The following NTM variants were observed in gnomAD, a reference collection of about 807,000 sequenced individuals.
NTM encodes the protein neurotrimin.
In NTM, 13 loss-of-function variants were observed where a neutral mutation model predicts 42.1. The ratio of observed to expected loss-of-function variants is 0.31; its 90% CI spans 0.20 to 0.49. NTM has a LOEUF of 0.49. Ranked by LOEUF, NTM falls within the 20% of genes least tolerant of loss-of-function variation. The pLI, the probability that NTM is intolerant of heterozygous loss-of-function variation, is 0.99. For synonymous variants in NTM, 187 were observed against 179.2 expected (o/e 1.04, Z -0.35); for missense variants, 373 against 452.8 (o/e 0.82, Z 1.60).
At chr11:131,792,507 G>A (rs1272479599) in intron 1 of NTM, among the ~76,000 whole-genome samples, 2 of 152,130 alleles carry the variant, frequency 1.3e-5, no homozygotes, top group East Asian at 1.9e-4. Flanking sequence ...TTGGGTGTTC[G>A]AGTCCCACAA....
chr11:131,704,532 T>C (rs1156378870), intron 1 of NTM, among the ~76,000 whole-genome samples: 1 of 152,326 alleles, frequency 6.6e-6, no homozygotes, highest in East Asian at 1.9e-4. Flanking sequence ...AGATGCCTAA[T>C]TTTTAAAATG....
chr11:131,725,526 G>A (rs1358490290), intron 1 of NTM, among the ~76,000 whole-genome samples: 2 of 152,096 alleles, frequency 1.3e-5, no homozygotes, highest in Non-Finnish European at 2.9e-5. Flanking sequence ...CTCAGATAGA[G>A]GAAGCATCCC....
At chr11:131,647,173 G>C (rs190333973) in intron 1 of NTM, among the ~76,000 whole-genome samples, 3 of 152,316 alleles carry the variant, frequency 2.0e-5, no homozygotes, top group Non-Finnish European at 2.9e-5. Context: ...CAAGGGGATC[G>C]TGGAGAGGGG....
chr11:131,558,546 G>A (rs1347651884), intron 1 of NTM, among the ~76,000 whole-genome samples: 1 of 152,146 alleles, frequency 6.6e-6, no homozygotes, highest in Non-Finnish European at 1.5e-5. Flanking sequence ...CAAGTGGTTA[G>A]GATTTCCTAC....
intron 1 of NTM, among the ~76,000 whole-genome samples, chr11:131,664,753 G>GTTTTTTT (rs199824869): frequency 6.2e-5 from 7 of 112,884 alleles, no homozygotes; most frequent in African/African-American, 2.3e-4. Flanking sequence ...CTCTTCCATT[G>GTTTTTTT]TTTTTTTTTT....
chr11:131,939,684 C>T (rs2059595209), intron 2 of NTM, among the ~76,000 whole-genome samples: 1 of 152,182 alleles, frequency 6.6e-6, no homozygotes. Context: ...ACTCCTGATT[C>T]TTGCAAGCTG....
At chr11:131,954,210 A>G (rs990872601) in intron 2 of NTM, among the ~76,000 whole-genome samples, 1 of 152,190 alleles carries the variant, frequency 6.6e-6, no homozygotes, top group Non-Finnish European at 1.5e-5. Context: ...AGACACAGGC[A>G]TTGTAAGTAG....
intron 4 of NTM, among the ~76,000 whole-genome samples, chr11:132,261,691 G>T (rs1187844446): frequency 6.6e-6 from 1 of 152,218 alleles, no homozygotes; most frequent in African/African-American, 2.4e-5. Context: ...TCATTGTCTG[G>T]AGAATAGATA....
At chr11:132,233,935 C>T (rs1177520290) in intron 4 of NTM, among the ~76,000 whole-genome samples, 1 of 152,234 alleles carries the variant, frequency 6.6e-6, no homozygotes, top group Non-Finnish European at 1.5e-5. Context: ...CCCTGCCACC[C>T]TCCAGGGGTC....
At chr11:131,935,931 G>A (rs2059163912) in intron 2 of NTM, among the ~76,000 whole-genome samples, 1 of 152,006 alleles carries the variant, frequency 6.6e-6, no homozygotes, top group Non-Finnish European at 1.5e-5. Flanking sequence ...GCTTAAATCA[G>A]CATTAAAGTA....
chr11:131,589,219 G>A (rs2059153393), intron 1 of NTM, among the ~76,000 whole-genome samples: 1 of 150,024 alleles, frequency 6.7e-6, no homozygotes. Flanking sequence ...TGGTTGTAGT[G>A]GGAAGGCACG....
intron 3 of NTM, among the ~76,000 whole-genome samples, chr11:132,189,852 C>T (rs753345513): frequency 2.0e-5 from 3 of 152,192 alleles, no homozygotes; most frequent in Non-Finnish European, 2.9e-5. Context: ...GTTTGTGGTG[C>T]TCCTACTATT....
At chr11:132,229,530 A>T (rs749129316) in intron 4 of NTM, among the ~76,000 whole-genome samples, 1 of 152,176 alleles carries the variant, frequency 6.6e-6, no homozygotes, top group Non-Finnish European at 1.5e-5. Flanking sequence ...AAATATTTTC[A>T]TATGTTCATT....
intron 1 of NTM, among the ~76,000 whole-genome samples, chr11:131,559,332 T>G (rs1413530659): frequency 6.6e-6 from 1 of 152,252 alleles, no homozygotes; most frequent in African/African-American, 2.4e-5. Flanking sequence ...TATCTACGAC[T>G]GCTGGTATTT....
chr11:131,899,036 G>A (rs538401710), intron 1 of NTM, among the ~76,000 whole-genome samples: 11 of 152,170 alleles, frequency 7.2e-5, no homozygotes, highest in African/African-American at 2.2e-4. Flanking sequence ...GATGCATTGA[G>A]GTGGCTAGAA....
Position 132,239,398 on chromosome 11 carries a change from C to T in NTM, c.526+27251C>T, listed in dbSNP as rs142290423. Among the ~76,000 whole-genome samples the T allele has an allele frequency of 7.0e-3, 1,068 of 152,250 alleles. 16 individuals are homozygous for T. Among genetic ancestry groups the T allele is most frequent in the African/African-American group, 0.024 (994 of 41,536 alleles). On this transcript the variant is annotated intron_variant, in intron 4 of 8. Transcript: ENST00000683400. ...TTAAGCAATCATCCCATAAACCTAG[C>T]CCAGGTAATAGTGGTTGAAATTTTA... is the stretch of plus-strand genomic sequence containing the variant.
chr11:132,031,809 T>G (rs1003728759), intron 2 of NTM, among the ~76,000 whole-genome samples: 1 of 152,100 alleles, frequency 6.6e-6, no homozygotes, highest in Admixed American at 6.5e-5. Flanking sequence ...GAAAATAATA[T>G]TTTACTCAGT....
intron 2 of NTM, among the ~76,000 whole-genome samples, chr11:132,035,187 G>T (rs192695039): frequency 5.4e-4 from 82 of 152,292 alleles, no homozygotes; most frequent in African/African-American, 1.8e-3. Context: ...ATAAGAAGCT[G>T]TGTTTATGAT....
intron 4 of NTM, among the ~76,000 whole-genome samples, chr11:132,239,465 A>G (rs756137740): frequency 2.0e-5 from 3 of 152,214 alleles, no homozygotes; most frequent in Non-Finnish European, 4.4e-5. Context: ...TTCTTTAAAA[A>G]CTAAGGTGGG....
Sources: allele counts gnomAD v4.1 joint callset (sites outside exome capture counted in the v4.1 genomes callset), GRCh38; gene constraint gnomAD v4.1.1; transcripts MANE v1.5; gene names NCBI Gene and HGNC (gene_info 2026-07-23, HGNC 2026-07-21).